RBM47: variants seen among roughly 807,000 people sequenced by gnomAD.
The protein encoded by RBM47 is RNA binding motif protein 47, also known as RNA-binding protein 47.
In RBM47, 21 loss-of-function variants were observed where a neutral mutation model predicts 47.1. The ratio of observed to expected loss-of-function variants is 0.45; its 90% CI spans 0.32 to 0.64. The LOEUF is 0.64. RBM47 is among the 30% of genes least tolerant of loss of function. RBM47 has a pLI of 0.05. For synonymous variants in RBM47, 375 were observed against 361.7 expected (o/e 1.04, Z -0.42); for missense variants, 708 against 870.9 (o/e 0.81, Z 2.35).
rs1190334164 is a variant in RBM47 at position 40,450,921 on chromosome 4, GTCTA to G, written c.-31-12001_-31-11998del. Among the ~76,000 whole-genome samples, 3 of 152,282 alleles carry G rather than the reference GTCTA, an allele frequency of 2.0e-5. No homozygotes were observed. The South Asian group carries it at 6.2e-4, about 32-fold the overall frequency. Reference sequence around the variant, plus strand: ...CTTTCTGTCGAGAATTACTGGTGGAGTCTATCTTGGAGCTGTGTAATATGATTAT... The same window carrying G: ...CTTTCTGTCGAGAATTACTGGTGGAGTCTTGGAGCTGTGTAATATGATTAT... On this transcript the variant is annotated intron_variant, in intron 3 of 6. Transcript: ENST00000295971.
intron 2 of RBM47, among the ~76,000 whole-genome samples, chr4:40,478,362 C>T (rs1177988331): frequency 1.3e-5 from 2 of 152,254 alleles, no homozygotes; most frequent in Admixed American, 6.5e-5. Flanking sequence ...TAAATCATCC[C>T]TGGAGGAGTG....
chr4:40,531,584 G>T (rs775117937), intron 2 of RBM47, among the ~76,000 whole-genome samples: 5 of 152,162 alleles, frequency 3.3e-5, no homozygotes, highest in Non-Finnish European at 7.3e-5. Context: ...GGCACAGATA[G>T]GTTGTACAAT....
At chr4:40,530,125 G>A (rs951080799) in intron 2 of RBM47, among the ~76,000 whole-genome samples, 2 of 150,712 alleles carry the variant, frequency 1.3e-5, no homozygotes, top group African/African-American at 4.9e-5. Flanking sequence ...TAGTAGAGAC[G>A]GGGTTTCACC....
intron 2 of RBM47, among the ~76,000 whole-genome samples, chr4:40,482,312 G>A (rs1720541876): frequency 6.6e-6 from 1 of 151,950 alleles, no homozygotes; most frequent in Non-Finnish European, 1.5e-5. Flanking sequence ...GGAGCACAGT[G>A]GCGCGATCTC....
At chr4:40,626,740 C>T (rs1308664831) in intron 1 of RBM47, among the ~76,000 whole-genome samples, 1 of 152,126 alleles carries the variant, frequency 6.6e-6, no homozygotes, top group African/African-American at 2.4e-5. Flanking sequence ...GACGGGGAAG[C>T]AACTATGAGA....
chr4:40,546,648 A>G (rs1729065006), intron 1 of RBM47, among the ~76,000 whole-genome samples: 1 of 152,174 alleles, frequency 6.6e-6, no homozygotes, highest in Non-Finnish European at 1.5e-5. Flanking sequence ...GCAATGGCCA[A>G]ATTAACTAAG....
chr4:40,580,789 A>G (rs1732821022), intron 1 of RBM47, among the ~76,000 whole-genome samples: 1 of 152,216 alleles, frequency 6.6e-6, no homozygotes, highest in Admixed American at 6.5e-5. Flanking sequence ...GACAGTGGTA[A>G]AAGTTGTGAG....
intron 1 of RBM47, among the ~76,000 whole-genome samples, chr4:40,621,888 T>C (rs1737298924): frequency 6.6e-6 from 1 of 152,208 alleles, no homozygotes; most frequent in South Asian, 2.1e-4. Context: ...CGTTACTTAG[T>C]CATCAGCCTC....
At position 40,438,755 on chromosome 4, in the gene RBM47, C is replaced by A. The variant is rs1172579473; in HGVS notation, c.139G>T (p.Val47Leu). The change falls in exon 4 of 7, where the codon GTG becomes TTG. Residue 47 changes from valine (V) to leucine (L), a missense_variant. Transcript: ENST00000295971. Reference protein sequence around the residue: ...ALMERTGYSMVQENGQRKYGG... With the variant: ...ALMERTGYSMLQENGQRKYGG... The stretch of plus-strand genomic sequence containing the variant: ...TACTTGCGCTGCCCGTTCTCTTGCA[C>A]CATGCTGTAGCCCGTGCGCTCCATC... The A allele has an allele frequency of 1.3e-6, 2 of 1,591,286 alleles. No individual in the cohort carries two copies. The highest frequency in any genetic ancestry group is 1.7e-6 in the Non-Finnish European group (2 of 1,172,382).
chr4:40,511,765 T>A (rs1724959028), intron 2 of RBM47, among the ~76,000 whole-genome samples: 1 of 151,858 alleles, frequency 6.6e-6, no homozygotes, highest in Non-Finnish European at 1.5e-5. Context: ...TGAAACCCCA[T>A]CTCTACTAAA....
intron 2 of RBM47, among the ~76,000 whole-genome samples, chr4:40,522,330 C>T (rs62302049): frequency 0.12 from 18,247 of 152,096 alleles, 1,272 homozygotes; most frequent in East Asian, 0.2. Context: ...CATGGTGAAG[C>T]CCTGTTTCTA....
intron 1 of RBM47, among the ~76,000 whole-genome samples, chr4:40,545,808 G>A (rs1728992825): frequency 6.6e-6 from 1 of 152,090 alleles, no homozygotes; most frequent in South Asian, 2.1e-4. Context: ...TCTACTGCTT[G>A]CTAGCTGGTT....
chr4:40,492,230 C>G (rs7678698), intron 2 of RBM47, among the ~76,000 whole-genome samples: 2 of 151,938 alleles, frequency 1.3e-5, no homozygotes, highest in Non-Finnish European at 1.5e-5. Context: ...CATAGCCAGG[C>G]CTGGGGGTAT....
intron 2 of RBM47, among the ~76,000 whole-genome samples, chr4:40,520,049 G>A (rs1186945507): frequency 2.0e-5 from 3 of 151,608 alleles, no homozygotes; most frequent in African/African-American, 7.3e-5. Context: ...TCATATTGAA[G>A]CCCTCCTTTG....
intron 1 of RBM47, among the ~76,000 whole-genome samples, chr4:40,560,598 A>G (rs1730515162): frequency 6.6e-6 from 1 of 152,208 alleles, no homozygotes; most frequent in Non-Finnish European, 1.5e-5. Context: ...GCCTAGTCAT[A>G]CATTCGAAGT....
At chr4:40,564,322 TG>T (rs1301649537) in intron 1 of RBM47, among the ~76,000 whole-genome samples, 1 of 152,202 alleles carries the variant, frequency 6.6e-6, no homozygotes, top group African/African-American at 2.4e-5. Flanking sequence ...GGCCATCATA[TG>T]ATAAAAATGG....
At chr4:40,529,020 G>C (rs1014042030) in intron 2 of RBM47, among the ~76,000 whole-genome samples, 1 of 151,894 alleles carries the variant, frequency 6.6e-6, no homozygotes, top group Non-Finnish European at 1.5e-5. Flanking sequence ...GGGCCATCTC[G>C]TATAACTCTG....
chr4:40,481,254 C>A (rs145303643), intron 2 of RBM47, among the ~76,000 whole-genome samples: 2 of 150,682 alleles, frequency 1.3e-5, no homozygotes, highest in Non-Finnish European at 3.0e-5. Flanking sequence ...AGTCAAAGAC[C>A]TGGATCATAT....
chr4:40,571,830 C>T (rs891067579), intron 1 of RBM47, among the ~76,000 whole-genome samples: 4 of 151,212 alleles, frequency 2.6e-5, no homozygotes, highest in Non-Finnish European at 4.4e-5. Context: ...AACAGCCTGG[C>T]CAATATGGTG....
Sources: allele counts gnomAD v4.1 joint callset (sites outside exome capture counted in the v4.1 genomes callset), GRCh38; gene constraint gnomAD v4.1.1; transcripts MANE v1.5; gene names NCBI Gene and HGNC (gene_info 2026-07-23, HGNC 2026-07-21).